The following MECOM variants were observed in gnomAD, a reference collection of about 807,000 sequenced individuals.
The protein encoded by MECOM is histone-lysine N-methyltransferase MECOM.
Under a neutral mutation model 116.3 loss-of-function variants are expected in MECOM, and 13 were observed. The observed-to-expected ratio is 0.11, with a 90% CI of 0.07 to 0.18. The LOEUF (loss-of-function observed/expected upper bound fraction) is 0.18, where lower values mean the gene tolerates loss of function less well. Among genes scored for constraint, MECOM ranks in the 10% least tolerant of loss-of-function variants. MECOM has a pLI of 1.00. For synonymous variants in MECOM, 528 were observed against 535.2 expected (o/e 0.99, Z 0.19); for missense variants, 1,299 against 1,509.0 (o/e 0.86, Z 2.31).
At chr3:169,327,639 CAA>C (rs771134017) in intron 2 of MECOM, among the ~76,000 whole-genome samples, 34 of 69,524 alleles carry the variant, frequency 4.9e-4, no homozygotes, top group African/African-American at 1.7e-3. Context: ...GACTGTGTCT[CAA>C]AAAAAAAAAA....
chr3:169,112,892 G>A lies in MECOM; in HGVS notation c.2490-18C>T. 2 of 1,565,662 alleles carry A rather than the reference G, an allele frequency of 1.3e-6. No homozygotes were observed. Among genetic ancestry groups the A allele is most frequent in the Non-Finnish European group, 1.8e-6 (2 of 1,139,134 alleles). Reference sequence around the variant, plus strand: ...TCTCTACTCTGAAAGGTTAAAATTAGATTTTGGAGATGAAGCAGTCTCACA... The same window carrying A: ...TCTCTACTCTGAAAGGTTAAAATTAAATTTTGGAGATGAAGCAGTCTCACA... On this transcript the variant is annotated intron_variant, in intron 8 of 16. Transcript: ENST00000651503.
chr3:169,325,309 T>G (rs1315859963), intron 2 of MECOM, among the ~76,000 whole-genome samples: 1 of 152,154 alleles, frequency 6.6e-6, no homozygotes, highest in Non-Finnish European at 1.5e-5. Flanking sequence ...CTAGCCAAAT[T>G]CCCGATGAAT....
At chr3:169,401,243 G>C (rs1286751394) in intron 1 of MECOM, among the ~76,000 whole-genome samples, 2 of 152,156 alleles carry the variant, frequency 1.3e-5, no homozygotes, top group Admixed American at 1.3e-4. Context: ...ACAAGGGCCT[G>C]CCTTAAGCTA....
chr3:169,244,451 C>A (rs1193028122), intron 2 of MECOM, among the ~76,000 whole-genome samples: 2 of 152,182 alleles, frequency 1.3e-5, no homozygotes, highest in East Asian at 3.9e-4. Context: ...ACCTGTCCCC[C>A]TCAGCTTCTC....
intron 3 of MECOM, among the ~76,000 whole-genome samples, chr3:169,143,257 T>G (rs1025804844): frequency 6.6e-6 from 1 of 151,320 alleles, no homozygotes; most frequent in East Asian, 1.9e-4. Context: ...CATAATTAGA[T>G]AAGATAACAC....
At chr3:169,261,182 T>C (rs1757486614) in intron 2 of MECOM, among the ~76,000 whole-genome samples, 1 of 152,204 alleles carries the variant, frequency 6.6e-6, no homozygotes, top group South Asian at 2.1e-4. Context: ...TTTACATTAC[T>C]GTAAGGGACA....
intron 2 of MECOM, among the ~76,000 whole-genome samples, chr3:169,330,532 A>G (rs1722551485): frequency 1.3e-5 from 2 of 152,210 alleles, no homozygotes; most frequent in African/African-American, 4.8e-5. Context: ...TCTGTGTCTA[A>G]AAGATTAAAA....
At chr3:169,404,735 G>A (rs991021571) in intron 1 of MECOM, among the ~76,000 whole-genome samples, 8 of 152,152 alleles carry the variant, frequency 5.3e-5, no homozygotes, top group African/African-American at 1.9e-4. Flanking sequence ...CCTGGTATTT[G>A]GCTCCCCAGT....
chr3:169,235,725 C>A (rs898682921), intron 2 of MECOM, among the ~76,000 whole-genome samples: 14 of 151,964 alleles, frequency 9.2e-5, no homozygotes, highest in Admixed American at 1.3e-4. Flanking sequence ...ATTTTCTTCG[C>A]ACACACAAAA....
chr3:169,204,064 T>G (rs1257717978), intron 2 of MECOM, among the ~76,000 whole-genome samples: 2 of 152,164 alleles, frequency 1.3e-5, no homozygotes, highest in Non-Finnish European at 2.9e-5. Flanking sequence ...TATCAAATTG[T>G]TCAAAGGCCA....
At position 169,234,652 on chromosome 3, in the gene MECOM, T is replaced by G. The variant is rs151220308; in HGVS notation, c.376-90820A>C. ...TGTGCAAATCATTTATTTGCTATTG[T>G]GTAAGTTAAAACAGTAGCCCAGCTT... On this transcript the variant is annotated intron_variant, in intron 2 of 16. Coordinates refer to ENST00000651503, the MANE Select transcript of MECOM (RefSeq NM_004991.4). Among the ~76,000 whole-genome samples, 79 of 152,310 alleles carry G rather than the reference T, an allele frequency of 5.2e-4. No individual in the cohort carries two copies. In the South Asian group the frequency reaches 0.012, roughly 24 times the overall value.
rs1769207475 is a variant in MECOM at position 169,611,116 on chromosome 3, T to C, written c.37+52220A>G. On this transcript the variant is annotated intron_variant, in intron 1 of 16. Transcript: ENST00000651503. This position sits in a 1 kb window ranked among gnomAD's most constrained non-coding sequence, Gnocchi z 4.1. ...CTGATAAATCTGTTTTTGTTGATAC[T>C]GCTGCTGCTGCGGTTTTTAACACAT... is the stretch of plus-strand genomic sequence containing the variant. Among the ~76,000 whole-genome samples the C allele has an allele frequency of 1.3e-5, 2 of 152,226 alleles. No individual in the cohort carries two copies. Among genetic ancestry groups the C allele is most frequent in the African/African-American group, 4.8e-5 (2 of 41,456 alleles).
intron 6 of MECOM, among the ~76,000 whole-genome samples, chr3:169,122,106 T>C (rs1455959658): frequency 6.6e-6 from 1 of 151,914 alleles, no homozygotes; most frequent in African/African-American, 2.4e-5. Flanking sequence ...TACATTTTAA[T>C]TAGAACCAAG....
At chr3:169,207,280 T>C (rs887307766) in intron 2 of MECOM, among the ~76,000 whole-genome samples, 1 of 152,196 alleles carries the variant, frequency 6.6e-6, no homozygotes, top group Non-Finnish European at 1.5e-5. Flanking sequence ...CAATGTTTCC[T>C]GGAAAGGAAT....
chr3:169,128,181 A>G, intron 4 of MECOM, 121 bp from the exon 5 acceptor site: 1 of 815,354 alleles, frequency 1.2e-6, no homozygotes, highest in Non-Finnish European at 2.0e-6. Flanking sequence ...CTATCTTGTC[A>G]ATTTTAATCT....
At chr3:169,222,893 T>G (rs762039343) in intron 2 of MECOM, among the ~76,000 whole-genome samples, 1 of 152,176 alleles carries the variant, frequency 6.6e-6, no homozygotes, top group African/African-American at 2.4e-5. Flanking sequence ...TAAAAGGAAA[T>G]TCCATTAATA....
chr3:169,394,046 T>A (rs1734641757), intron 1 of MECOM, among the ~76,000 whole-genome samples: 1 of 152,176 alleles, frequency 6.6e-6, no homozygotes, highest in Non-Finnish European at 1.5e-5. Flanking sequence ...GAAAGATACC[T>A]GAAGTCTATA....
At chr3:169,468,678 C>A (rs1163361739) in intron 1 of MECOM, among the ~76,000 whole-genome samples, 1 of 152,172 alleles carries the variant, frequency 6.6e-6, no homozygotes, top group Non-Finnish European at 1.5e-5. Context: ...TATAGGAAAT[C>A]AAATGCTATA....
At chr3:169,333,925 T>C (rs62293348) in intron 2 of MECOM, among the ~76,000 whole-genome samples, 3 of 130,818 alleles carry the variant, frequency 2.3e-5, no homozygotes, top group Non-Finnish European at 3.5e-5. Context: ...TCCTTCCTTC[T>C]TTCTTTGTCT....
Sources: gnomAD v4.1 joint callset for allele counts (sites outside exome capture counted in the v4.1 genomes callset) on GRCh38, gnomAD v4.1.1 for gene constraint, Gnocchi (gnomAD v3.1) non-coding constraint, MANE v1.5 for transcripts, NCBI Gene and HGNC (gene_info 2026-07-23, HGNC 2026-07-21) for gene names.